The following ALDH18A1 variants were observed in gnomAD, a reference collection of about 807,000 sequenced individuals.
ALDH18A1 encodes aldehyde dehydrogenase 18 family member A1.
A neutral mutation model predicts 88.8 loss-of-function variants in ALDH18A1; 44 were observed. That is an observed-to-expected ratio of 0.50 (90% CI 0.39 to 0.64). The LOEUF (loss-of-function observed/expected upper bound fraction) is 0.64, where lower values mean the gene tolerates loss of function less well. Among genes scored for constraint, ALDH18A1 ranks in the 30% least tolerant of loss-of-function variants. The pLI is 0.00. For missense variants in ALDH18A1, 782 were observed against 1,009.5 expected, an observed-to-expected ratio of 0.77 and a Z score of 3.05; for synonymous variants, 331 against 372.1, an observed-to-expected ratio of 0.89 and a Z score of 1.27.
intron 5 of ALDH18A1, among the ~76,000 whole-genome samples, chr10:95,636,062 C>A (rs555856987): frequency 8.5e-5 from 13 of 152,280 alleles, no homozygotes; most frequent in African/African-American, 2.6e-4. Context: ...CAAGTCCGTG[C>A]CTTTCTGTTT....
chr10:95,610,120 T>G, intron 17 of ALDH18A1, 77 bp downstream of exon 17: 1 of 1,387,010 alleles, frequency 7.2e-7, no homozygotes, highest in Non-Finnish European at 1.0e-6. Flanking sequence ...GGAGGTGTCT[T>G]TCCCACCTCA....
intron 5 of ALDH18A1, among the ~76,000 whole-genome samples, chr10:95,636,409 T>C (rs935307471): frequency 1.3e-5 from 2 of 152,192 alleles, no homozygotes; most frequent in African/African-American, 4.8e-5. Flanking sequence ...TACAGTTGAT[T>C]AAGAATATAA....
At chr10:95,631,093 A>T (rs904575712) in intron 7 of ALDH18A1, among the ~76,000 whole-genome samples, 2 of 152,166 alleles carry the variant, frequency 1.3e-5, no homozygotes, top group African/African-American at 2.4e-5. Context: ...GACTTTTGGA[A>T]TCCTAGATTT....
chr10:95,635,469 T>A (rs2097878901), intron 5 of ALDH18A1, among the ~76,000 whole-genome samples: 1 of 152,224 alleles, frequency 6.6e-6, no homozygotes, highest in Non-Finnish European at 1.5e-5. Flanking sequence ...TCAGTTTCCC[T>A]TCTATGAAGA....
At chr10:95,652,874 T>C (rs867313357) in intron 2 of ALDH18A1, among the ~76,000 whole-genome samples, 3 of 151,816 alleles carry the variant, frequency 2.0e-5, no homozygotes, top group Non-Finnish European at 2.9e-5. Flanking sequence ...CATCTTTTTT[T>C]TCTCTCTCTC....
chr10:95,618,919 G>A (rs1406684468), intron 12 of ALDH18A1, among the ~76,000 whole-genome samples: 1 of 152,132 alleles, frequency 6.6e-6, no homozygotes, highest in Non-Finnish European at 1.5e-5. Flanking sequence ...GTTTCTCCAG[G>A]TCTAAAATGG....
In ALDH18A1 at chr10:95,606,228, C is replaced by A. The variant is rs374056725; in HGVS notation, c.*534G>T. ...TATTAATTTACCCCACAAATAAATA[C>A]AAAAGGTCAATCTTCCCAGTGGAAA... On this transcript the variant is annotated 3_prime_UTR_variant, in exon 18 of 18. Coordinates refer to ENST00000371224, the MANE Select transcript of ALDH18A1 (RefSeq NM_002860.4). 16 of 992,140 alleles carry A rather than the reference C, an allele frequency of 1.6e-5. No homozygotes were observed. The East Asian group carries it at 1.6e-3, about 100-fold the overall frequency. The allele number at this position is 992,140 out of a possible 1,614,324, so 61.5% of individuals were successfully genotyped here.
intron 14 of ALDH18A1, 29 bp downstream of exon 14, chr10:95,613,937 T>C (rs997635391): frequency 6.2e-7 from 1 of 1,614,226 alleles, no homozygotes; most frequent in Non-Finnish European, 8.5e-7. Flanking sequence ...ATTTCTCCGT[T>C]GTGAAAGAGA....
At chr10:95,645,263 T>C (rs1431207986) in intron 2 of ALDH18A1, among the ~76,000 whole-genome samples, 1 of 152,212 alleles carries the variant, frequency 6.6e-6, no homozygotes, top group Non-Finnish European at 1.5e-5. Context: ...CTATATCTCA[T>C]TACAAGCAAC....
chr10:95,648,678 C>T (rs2097905053), intron 2 of ALDH18A1, among the ~76,000 whole-genome samples: 2 of 152,140 alleles, frequency 1.3e-5, no homozygotes. Flanking sequence ...GTTCTGGGGA[C>T]CCTGCAAGCA....
intron 5 of ALDH18A1, among the ~76,000 whole-genome samples, 196 bp from the exon 6 acceptor site, chr10:95,633,845 C>A (rs1589535460): frequency 8.8e-6 from 1 of 113,030 alleles, no homozygotes; most frequent in East Asian, 3.5e-4. Flanking sequence ...GAGACAGGGT[C>A]TCATTCTGTC....
intron 3 of ALDH18A1, among the ~76,000 whole-genome samples, chr10:95,638,483 A>G (rs1015975232): frequency 1.3e-5 from 2 of 152,198 alleles, no homozygotes; most frequent in Non-Finnish European, 2.9e-5. Flanking sequence ...ATTTGCAGGG[A>G]GTGTGTAATG....
chr10:95,619,382 C>T (rs1002803397), intron 12 of ALDH18A1, among the ~76,000 whole-genome samples: 5 of 152,144 alleles, frequency 3.3e-5, no homozygotes, highest in African/African-American at 7.2e-5. Flanking sequence ...TTTATAGATT[C>T]GATGCCATCC....
intron 11 of ALDH18A1, among the ~76,000 whole-genome samples, chr10:95,623,165 TAAAAA>T (rs552778394): frequency 8.6e-5 from 13 of 151,234 alleles, no homozygotes; most frequent in Admixed American, 8.6e-4. Flanking sequence ...CCCCATATGC[TAAAAA>T]AAAAGTTTTA....
chr10:95,634,635 G>A (rs533999730), intron 5 of ALDH18A1, among the ~76,000 whole-genome samples: 2 of 152,178 alleles, frequency 1.3e-5, no homozygotes, highest in African/African-American at 2.4e-5. Context: ...AAGCTGAAAG[G>A]GGGGCAGAAC....
chr10:95,625,838 G>C (rs1340022707), intron 10 of ALDH18A1, among the ~76,000 whole-genome samples: 1 of 152,028 alleles, frequency 6.6e-6, no homozygotes, highest in East Asian at 1.9e-4. Flanking sequence ...TAACTGTACA[G>C]GGGCCAGTAC....
At chr10:95,619,690 G>T (rs1307821602) in intron 12 of ALDH18A1, among the ~76,000 whole-genome samples, 1 of 152,162 alleles carries the variant, frequency 6.6e-6, no homozygotes, top group Non-Finnish European at 1.5e-5. Flanking sequence ...AATGGGGAAA[G>T]GATTCCCTAT....
chr10:95,637,110 T>C lies in ALDH18A1; in HGVS notation c.541A>G (p.Ser181Gly), dbSNP rs1388941404. 4 of 1,614,158 alleles carry C rather than the reference T, an allele frequency of 2.5e-6. No individual in the cohort carries two copies. The highest frequency in any genetic ancestry group is 3.3e-5 in the Admixed American group (2 of 60,012). ...ALYEAMFTQY[S>G]ICAAQILVTN... ...CCTCTCACCTGGGCAGCACAGATGC[T>C]GTACTGGGTAAACATAGCCTCATAC... is the stretch of plus-strand genomic sequence containing the variant. Residue 181 changes from serine (S) to glycine (G), a missense_variant, in exon 5 of 18, where the codon AGC becomes GGC. Ser to Gly is a moderately conservative substitution (Grantham distance 56). This residue lies in a region of ALDH18A1 where 132 missense variants were observed against 255.5 expected (regional missense o/e 0.52). Transcript: ENST00000371224.
intron 3 of ALDH18A1, 58 bp from the exon 4 acceptor site, chr10:95,637,494 T>G (rs1459000245): frequency 6.2e-7 from 1 of 1,601,764 alleles, no homozygotes; most frequent in African/African-American, 1.3e-5. Context: ...TTTCATCTCT[T>G]CACAAGGGAT....
Sources: allele counts gnomAD v4.1 joint callset (sites outside exome capture counted in the v4.1 genomes callset), GRCh38; gene constraint gnomAD v4.1.1; regional missense constraint gnomAD v4.1.1; transcripts MANE v1.5; gene names NCBI Gene and HGNC (gene_info 2026-07-23, HGNC 2026-07-21).